The following DLC1 variants were observed in gnomAD, a reference collection of about 807,000 sequenced individuals.
DLC1 encodes the protein DLC1 Rho GTPase activating protein.
Under a neutral mutation model 140.3 loss-of-function variants are expected in DLC1, and 54 were observed. The observed-to-expected ratio is 0.38, with a 90% CI of 0.31 to 0.48. DLC1 has a LOEUF of 0.48. Among genes scored for constraint, DLC1 ranks in the 20% least tolerant of loss-of-function variants. The pLI is 0.96. For synonymous variants in DLC1, 986 were observed against 728.1 expected (o/e 1.35, Z -5.70); for missense variants, 2,536 against 1,907.0 (o/e 1.33, Z -6.14).
In DLC1 at chr8:13,129,775, G is replaced by A. The variant is rs147664336; in HGVS notation, c.1349-14118C>T. Among the ~76,000 whole-genome samples, 661 of 152,344 alleles carry A rather than the reference G, an allele frequency of 4.3e-3. 1 individual carries two copies. The highest frequency in any genetic ancestry group is 6.8e-3 in the Non-Finnish European group (463 of 68,032). ...TTGCTATGATGTTGTAAAGCACTGA[G>A]AATTCGGTCTTTAATGATTTGGCAA... On this transcript the variant is annotated intron_variant, in intron 5 of 17. Coordinates refer to ENST00000276297, the MANE Select transcript of DLC1 (RefSeq NM_182643.3).
chr8:13,343,621 G>T (rs910377440), intron 4 of DLC1, among the ~76,000 whole-genome samples: 3 of 152,120 alleles, frequency 2.0e-5, no homozygotes, highest in Admixed American at 6.5e-5. Context: ...GAAAAAGAGG[G>T]TCTAGGATAT....
intron 5 of DLC1, among the ~76,000 whole-genome samples, chr8:13,218,811 T>TGAATATAACTATATATGAA (rs1196785917): frequency 7.3e-6 from 1 of 137,066 alleles, no homozygotes; most frequent in African/African-American, 2.8e-5. Flanking sequence ...CATAATTATA[T>TGAATATAACTATATATGAA]TCATAATTAT....
At chr8:13,453,066 A>G (rs1298757947) in intron 2 of DLC1, among the ~76,000 whole-genome samples, 2 of 152,016 alleles carry the variant, frequency 1.3e-5, no homozygotes, top group Non-Finnish European at 2.9e-5. Context: ...TCCTCATTTT[A>G]TAGAAGAAAT....
At chr8:13,110,914 C>T in intron 6 of DLC1, 91 bp from the exon 7 acceptor site, 1 of 1,116,310 alleles carries the variant, frequency 9.0e-7, no homozygotes, top group Non-Finnish European at 1.4e-6. Context: ...TAAAACTCTT[C>T]AGCAATATAC....
At chr8:13,226,283 A>G (rs1301746875) in intron 5 of DLC1, among the ~76,000 whole-genome samples, 2 of 152,220 alleles carry the variant, frequency 1.3e-5, no homozygotes, top group African/African-American at 4.8e-5. Context: ...AAATTTCTCT[A>G]GAAAATTAGA....
At chr8:13,329,652 T>C (rs1833505939) in intron 4 of DLC1, among the ~76,000 whole-genome samples, 1 of 152,174 alleles carries the variant, frequency 6.6e-6, no homozygotes, top group Non-Finnish European at 1.5e-5. Context: ...TTAGGAAATA[T>C]TTTCACCACT....
intron 2 of DLC1, among the ~76,000 whole-genome samples, chr8:13,469,627 A>G (rs1800112922): frequency 6.6e-6 from 1 of 152,226 alleles, no homozygotes; most frequent in Non-Finnish European, 1.5e-5. Flanking sequence ...ATAATTTTTC[A>G]TTCCCTAAAA....
intron 7 of DLC1, among the ~76,000 whole-genome samples, chr8:13,108,168 G>A (rs1201647141): frequency 1.3e-5 from 2 of 152,196 alleles, no homozygotes; most frequent in South Asian, 2.1e-4. Context: ...GTCCATTTAT[G>A]TGGACATGTG....
At position 13,468,362 on chromosome 8, in the gene DLC1, C is replaced by CCCTCCCCTCT. The variant is rs1554525927; in HGVS notation, c.1023+30677_1023+30686dup. ...CATTCCCCTCCCCTCCCCTCCCCTC[C>CCCTCCCCTCT]CCTCCCCTCTCCTTTTCTGTCTTGC... On this transcript the variant is annotated intron_variant, in intron 2 of 17. Transcript: ENST00000276297. Among the ~76,000 whole-genome samples the CCCTCCCCTCT allele has an allele frequency of 2.3e-3, 282 of 120,458 alleles. 1 individual carries two copies. The highest frequency in any genetic ancestry group is 5.1e-3 in the East Asian group (17 of 3,314). The allele number at this position is 120,458 out of a possible 152,430, so 79.0% of individuals were successfully genotyped here.
chr8:13,219,757 C>T (rs114424475), intron 5 of DLC1, among the ~76,000 whole-genome samples: 1 of 151,802 alleles, frequency 6.6e-6, no homozygotes, highest in East Asian at 1.9e-4. Context: ...TTATAGCAAC[C>T]AAAAGTGGAA....
intron 5 of DLC1, among the ~76,000 whole-genome samples, chr8:13,169,764 C>T (rs918944162): frequency 6.6e-6 from 1 of 151,980 alleles, no homozygotes; most frequent in Admixed American, 6.6e-5. Context: ...TGGCTCTAGT[C>T]TGTAATCCCA....
intron 5 of DLC1, among the ~76,000 whole-genome samples, chr8:13,177,300 T>G (rs1309233633): frequency 6.6e-6 from 1 of 152,222 alleles, no homozygotes; most frequent in Non-Finnish European, 1.5e-5. Flanking sequence ...CTAAAAAGTG[T>G]CAATTTTTAT....
chr8:13,228,460 G>T (rs1319480836), intron 5 of DLC1, among the ~76,000 whole-genome samples: 1 of 152,142 alleles, frequency 6.6e-6, no homozygotes, highest in Non-Finnish European at 1.5e-5. Context: ...AATGGACAAA[G>T]GGTCAGGCGT....
chr8:13,498,760 A>G (rs1244192039), intron 2 of DLC1: 1 of 276,474 alleles, frequency 3.6e-6, no homozygotes, highest in Non-Finnish European at 6.7e-6. Context: ...TCTAGTGGCT[A>G]TTTAATTCCA....
Position 13,091,396 on chromosome 8 carries a change from A to T in DLC1, c.3777T>A (p.Asp1259Glu), listed in dbSNP as rs780562308. 3 of 1,614,092 alleles carry T rather than the reference A, an allele frequency of 1.9e-6. No homozygotes were observed. The South Asian group carries it at 3.3e-5, about 18-fold the overall frequency. Residue 1259 changes from aspartate (D) to glutamate (E), a missense_variant, in exon 14 of 18, where the codon GAT becomes GAA. Transcript: ENST00000276297. Reference sequence around the variant, plus strand: ...CTAGGTTTTCATTCAAATCTTTCTGATCTGGTTTGCCCAAACTTTGTTTTC... The same window carrying T: ...CTAGGTTTTCATTCAAATCTTTCTGTTCTGGTTTGCCCAAACTTTGTTTTC... ...MQRKQSLGKP[D>E]QKDLNENLAA... is the part of the protein sequence containing the mutation.
At chr8:13,590,061 G>A (rs1585309687) in intron 1 of DLC1, among the ~76,000 whole-genome samples, 1 of 116,904 alleles carries the variant, frequency 8.6e-6, no homozygotes, top group South Asian at 2.6e-4. Flanking sequence ...AACTCAACAT[G>A]CATATATATA....
At chr8:13,303,660 G>A (rs1832300138) in intron 5 of DLC1, among the ~76,000 whole-genome samples, 1 of 152,084 alleles carries the variant, frequency 6.6e-6, no homozygotes, top group Non-Finnish European at 1.5e-5. Flanking sequence ...AAGTTAGCCT[G>A]GTGTGGTGGC....
chr8:13,470,275 C>T (rs918859653), intron 2 of DLC1, among the ~76,000 whole-genome samples: 4 of 152,130 alleles, frequency 2.6e-5, no homozygotes, highest in Admixed American at 2.0e-4. Context: ...AATGTACTAG[C>T]TAACTATAAC....
At chr8:13,598,262 G>A (rs926760946) in intron 1 of DLC1, among the ~76,000 whole-genome samples, 2 of 152,062 alleles carry the variant, frequency 1.3e-5, no homozygotes, top group African/African-American at 2.4e-5. Flanking sequence ...AAATATGTAA[G>A]AGTAGCATCT....
Sources: allele counts gnomAD v4.1 joint callset (sites outside exome capture counted in the v4.1 genomes callset), GRCh38; gene constraint gnomAD v4.1.1; transcripts MANE v1.5; gene names NCBI Gene and HGNC (gene_info 2026-07-23, HGNC 2026-07-21).